HAPLN1: variants seen among roughly 807,000 people sequenced by gnomAD.
The protein encoded by HAPLN1 is hyaluronan and proteoglycan link protein 1.
In HAPLN1, 13 loss-of-function variants were observed where a neutral mutation model predicts 36.5. The observed-to-expected ratio is 0.36, with a 90% CI of 0.23 to 0.57. The LOEUF is 0.57. Among genes scored for constraint, HAPLN1 ranks in the 20% least tolerant of loss-of-function variants. HAPLN1 has a pLI of 0.83. For synonymous variants in HAPLN1, 202 were observed against 169.8 expected (o/e 1.19, Z -1.48); for missense variants, 407 against 439.7 (o/e 0.93, Z 0.66).
At chr5:83,682,735 T>C (rs74653161) in intron 1 of HAPLN1, among the ~76,000 whole-genome samples, 1 of 152,346 alleles carries the variant, frequency 6.6e-6, no homozygotes, top group African/African-American at 2.4e-5. Flanking sequence ...TATCTTCCAA[T>C]TAATTTAGCA....
intron 2 of HAPLN1, among the ~76,000 whole-genome samples, chr5:83,656,886 T>G (rs1750232719): frequency 6.6e-6 from 1 of 152,152 alleles, no homozygotes; most frequent in Admixed American, 6.5e-5. Context: ...TCTTTACACT[T>G]GCTATGAAAT....
At chr5:83,664,155 T>C (rs1322978338) in intron 2 of HAPLN1, among the ~76,000 whole-genome samples, 1 of 152,140 alleles carries the variant, frequency 6.6e-6, no homozygotes, top group Non-Finnish European at 1.5e-5. Context: ...TTCTTTCGGT[T>C]TGAAAGCATC....
intron 2 of HAPLN1, among the ~76,000 whole-genome samples, chr5:83,653,198 G>T (rs1750122259): frequency 6.6e-6 from 1 of 152,172 alleles, no homozygotes; most frequent in Non-Finnish European, 1.5e-5. Flanking sequence ...TGAGAGAGTT[G>T]CATGATGGGT....
chr5:83,704,083 T>C (rs1444577913), intron 1 of HAPLN1, among the ~76,000 whole-genome samples: 1 of 145,226 alleles, frequency 6.9e-6, no homozygotes, highest in Non-Finnish European at 1.5e-5. Flanking sequence ...CAAAAGAGAC[T>C]GGGGGGCCTA....
intron 2 of HAPLN1, among the ~76,000 whole-genome samples, chr5:83,669,672 G>T (rs1486738511): frequency 6.6e-6 from 1 of 152,120 alleles, no homozygotes; most frequent in African/African-American, 2.4e-5. Context: ...TTTTTGACCA[G>T]TATTTGTAGT....
chr5:83,686,036 G>C (rs540925545), intron 1 of HAPLN1: 1 of 147,498 alleles, frequency 6.8e-6, no homozygotes, highest in East Asian at 2.0e-4. Context: ...GATTTTCACC[G>C]TCATTTCCTG....
intron 1 of HAPLN1, among the ~76,000 whole-genome samples, chr5:83,681,129 G>A (rs1251892477): frequency 6.6e-6 from 1 of 152,004 alleles, no homozygotes. Context: ...TATAAAATTA[G>A]ACCTTTAAAA....
chr5:83,644,694 T>C, intron 3 of HAPLN1, 29 bp from the exon 4 acceptor site: 1 of 1,379,900 alleles, frequency 7.2e-7, no homozygotes, highest in Non-Finnish European at 9.4e-7. Context: ...AAGGAGTTGT[T>C]AGAAGCCCCA....
At chr5:83,659,130 C>T (rs1299822157) in intron 2 of HAPLN1, among the ~76,000 whole-genome samples, 3 of 151,980 alleles carry the variant, frequency 2.0e-5, no homozygotes, top group Non-Finnish European at 4.4e-5. Context: ...AAAAATTAGC[C>T]AGGCATGGTG....
At chr5:83,696,801 C>T (rs1751398112) in intron 1 of HAPLN1, among the ~76,000 whole-genome samples, 1 of 152,102 alleles carries the variant, frequency 6.6e-6, no homozygotes. Context: ...TTTGTCCATG[C>T]TCATCAGTCA....
At chr5:83,643,248 T>G (rs1367627843) in intron 4 of HAPLN1, among the ~76,000 whole-genome samples, 1 of 150,450 alleles carries the variant, frequency 6.6e-6, no homozygotes, top group Non-Finnish European at 1.5e-5. Flanking sequence ...CTCAGGAGGC[T>G]GAGGAGGGAG....
At chr5:83,674,163 A>G (rs1750800231) in intron 1 of HAPLN1, 1 of 152,274 alleles carries the variant, frequency 6.6e-6, no homozygotes, top group South Asian at 2.1e-4. Flanking sequence ...TCTACGGTGA[A>G]TAGTTGAAAA....
At chr5:83,651,957 T>G (rs1750074613) in intron 3 of HAPLN1, 2 of 153,530 alleles carry the variant, frequency 1.3e-5, no homozygotes, top group African/African-American at 4.8e-5. Context: ...AAATCACTTC[T>G]TTAGAAGAAT....
intron 1 of HAPLN1, chr5:83,685,844 A>G (rs1478490721): frequency 2.0e-5 from 3 of 152,150 alleles, no homozygotes; most frequent in African/African-American, 7.2e-5. Flanking sequence ...CGGTGCCTCA[A>G]TCTGAACTTG....
chr5:83,688,808 C>A (rs1751204537), intron 1 of HAPLN1, among the ~76,000 whole-genome samples: 1 of 151,874 alleles, frequency 6.6e-6, no homozygotes, highest in Non-Finnish European at 1.5e-5. Context: ...TCTTCTATCA[C>A]CCTCTGCTAT....
chr5:83,701,422 G>A (rs564483985), intron 1 of HAPLN1, among the ~76,000 whole-genome samples: 1 of 152,294 alleles, frequency 6.6e-6, no homozygotes, highest in South Asian at 2.1e-4. Context: ...GCTACCGCAG[G>A]TGTTTAGGCA....
At chr5:83,669,422 C>T (rs1357959037) in intron 2 of HAPLN1, among the ~76,000 whole-genome samples, 2 of 152,118 alleles carry the variant, frequency 1.3e-5, no homozygotes, top group Non-Finnish European at 2.9e-5. Context: ...TCTCTTGAAC[C>T]TGGGAGGCAG....
intron 1 of HAPLN1, among the ~76,000 whole-genome samples, chr5:83,720,463 G>A (rs532233310): frequency 9.2e-5 from 14 of 152,222 alleles, no homozygotes; most frequent in Non-Finnish European, 8.8e-5. Flanking sequence ...TATAAAAATG[G>A]TTGTTGAGAT....
intron 2 of HAPLN1, among the ~76,000 whole-genome samples, chr5:83,659,943 C>A (rs1338990644): frequency 1.3e-5 from 2 of 151,886 alleles, no homozygotes; most frequent in African/African-American, 4.8e-5. Context: ...CATCTGTGAC[C>A]TGCCTTTTGG....
Sources: gnomAD v4.1 joint callset for allele counts (sites outside exome capture counted in the v4.1 genomes callset) on GRCh38, gnomAD v4.1.1 for gene constraint, MANE v1.5 for transcripts, NCBI Gene and HGNC (gene_info 2026-07-23, HGNC 2026-07-21) for gene names.